Variants in CACNA2D3 observed in about 807,000 individuals in gnomAD.
CACNA2D3 encodes the protein voltage-dependent calcium channel subunit alpha-2/delta-3.
Under a neutral mutation model 160.6 loss-of-function variants are expected in CACNA2D3, and 60 were observed. The ratio of observed to expected loss-of-function variants is 0.37; its 90% CI spans 0.30 to 0.46. The LOEUF (loss-of-function observed/expected upper bound fraction) is 0.46. Among genes scored for constraint, CACNA2D3 ranks in the 20% least tolerant of loss-of-function variants. The pLI is 1.00. For missense variants in CACNA2D3, 1,205 were observed against 1,365.0 expected (o/e 0.88, Z 1.85); for synonymous variants, 558 against 492.9 (o/e 1.13, Z -1.75).
chr3:54,242,008 A>G (rs1448300883), intron 2 of CACNA2D3, among the ~76,000 whole-genome samples: 1 of 152,194 alleles, frequency 6.6e-6, no homozygotes, highest in Non-Finnish European at 1.5e-5. Context: ...TGGATTCCTG[A>G]AAACTGGATA....
At chr3:54,915,633 T>A (rs959715325) in intron 27 of CACNA2D3, among the ~76,000 whole-genome samples, 1 of 152,238 alleles carries the variant, frequency 6.6e-6, no homozygotes, top group Non-Finnish European at 1.5e-5. Context: ...ATTGGGTCTT[T>A]CATCTGCAAT....
chr3:54,759,398 G>A (rs549928790), intron 12 of CACNA2D3, among the ~76,000 whole-genome samples: 1 of 150,982 alleles, frequency 6.6e-6, no homozygotes, highest in East Asian at 2.0e-4. Context: ...AGTGTCTATG[G>A]TTACAGCCAG....
intron 13 of CACNA2D3, among the ~76,000 whole-genome samples, chr3:54,809,094 C>G (rs1224255892): frequency 2.0e-5 from 3 of 151,952 alleles, no homozygotes; most frequent in African/African-American, 7.3e-5. Flanking sequence ...ATATTGTTGT[C>G]CAGGTTCTTA....
At chr3:55,052,592 C>G (rs1704254445) in intron 35 of CACNA2D3, among the ~76,000 whole-genome samples, 1 of 152,022 alleles carries the variant, frequency 6.6e-6, no homozygotes, top group Admixed American at 6.5e-5. Flanking sequence ...GTTGCAGTCT[C>G]CAACTGTAAT....
At chr3:54,657,277 C>T (rs759955036) in intron 11 of CACNA2D3, among the ~76,000 whole-genome samples, 2 of 152,178 alleles carry the variant, frequency 1.3e-5, no homozygotes, top group African/African-American at 2.4e-5. Flanking sequence ...GATGGCTTAG[C>T]TTGGGCTCAG....
intron 27 of CACNA2D3, among the ~76,000 whole-genome samples, chr3:54,949,585 C>T (rs189272542): frequency 6.6e-6 from 1 of 152,292 alleles, no homozygotes; most frequent in East Asian, 1.9e-4. Flanking sequence ...ACCCAAGGGG[C>T]AGCACTGGAA....
chr3:54,352,131 A>G (rs1233238322), intron 3 of CACNA2D3, among the ~76,000 whole-genome samples: 3 of 152,174 alleles, frequency 2.0e-5, no homozygotes, highest in Non-Finnish European at 2.9e-5. Flanking sequence ...GACTTGGCAC[A>G]ATGGAAAGTC....
At chr3:54,840,656 G>A (rs1184631525) in intron 16 of CACNA2D3, among the ~76,000 whole-genome samples, 5 of 150,614 alleles carry the variant, frequency 3.3e-5, no homozygotes, top group Admixed American at 1.3e-4. Flanking sequence ...TGATCCACCC[G>A]CCTCAGCCTC....
intron 35 of CACNA2D3, among the ~76,000 whole-genome samples, chr3:55,035,078 G>C (rs1215586852): frequency 2.0e-5 from 3 of 152,132 alleles, no homozygotes; most frequent in African/African-American, 7.2e-5. Flanking sequence ...TCTCCAGGAA[G>C]ATATAGTGCC....
intron 4 of CACNA2D3, among the ~76,000 whole-genome samples, chr3:54,447,906 G>C (rs1191954315): frequency 2.0e-5 from 3 of 152,118 alleles, no homozygotes; most frequent in African/African-American, 4.8e-5. Flanking sequence ...CTTTGGGAGA[G>C]AGTTCCAGAA....
At chr3:54,823,498 C>G (rs1703686337) in intron 14 of CACNA2D3, among the ~76,000 whole-genome samples, 1 of 152,016 alleles carries the variant, frequency 6.6e-6, no homozygotes, top group Non-Finnish European at 1.5e-5. Context: ...ACTCAACAAC[C>G]CTCTTTTGCA....
At chr3:55,003,269 C>T (rs1007820965) in intron 31 of CACNA2D3, among the ~76,000 whole-genome samples, 27 of 152,250 alleles carry the variant, frequency 1.8e-4, no homozygotes, top group Non-Finnish European at 8.8e-5. Context: ...ACATGTCTCT[C>T]CTTTGGGCTG....
At position 54,738,567 on chromosome 3, in the gene CACNA2D3, A is replaced by G. The variant is rs142278897; in HGVS notation, c.1168-14032A>G. ...AGGGTAAGGAAACAAGATAGAGGCC[A>G]GCTCTCAAGACTGTTTATTCTCTTT... On this transcript the variant is annotated intron_variant, in intron 11 of 37. Transcript: ENST00000474759. Among the ~76,000 whole-genome samples, 85 of 152,368 alleles carry G rather than the reference A, an allele frequency of 5.6e-4. No individual in the cohort carries two copies. The East Asian group carries it at 0.014, about 25-fold the overall frequency.
chr3:54,574,197 A>C (rs888627473), intron 8 of CACNA2D3, among the ~76,000 whole-genome samples: 3 of 152,230 alleles, frequency 2.0e-5, no homozygotes, highest in Middle Eastern at 3.4e-3. Context: ...AAAAGTAAAG[A>C]ATACAATATT....
At chr3:54,729,998 CAAAAAAAA>C (rs56364535) in intron 11 of CACNA2D3, among the ~76,000 whole-genome samples, 4 of 109,510 alleles carry the variant, frequency 3.7e-5, no homozygotes, top group African/African-American at 1.1e-4. Flanking sequence ...GACTCCATCT[CAAAAAAAA>C]AAAAAAAAAA....
At position 55,009,400 on chromosome 3, in the gene CACNA2D3, A is replaced by G. The variant is rs1703162788; in HGVS notation, c.2832A>G (p.Glu944=). Residue 944 remains glutamate, a synonymous_variant, in exon 34 of 38, where the codon GAA becomes GAG. Transcript: ENST00000474759. ...IMTELVLFLV[E]FNLCSWWHSD... ...ACGATCTGTTTAGGTTCCTGGTGGA[A>G]TTTAACCTCTGCAGTTGGTGGCACT... 20 of 1,613,868 alleles carry G rather than the reference A, an allele frequency of 1.2e-5. No homozygotes were observed. The highest frequency in any genetic ancestry group is 1.7e-5 in the Non-Finnish European group (20 of 1,179,780).
intron 4 of CACNA2D3, among the ~76,000 whole-genome samples, chr3:54,450,905 G>A (rs1433127763): frequency 3.9e-5 from 6 of 152,118 alleles, no homozygotes; most frequent in Non-Finnish European, 8.8e-5. Flanking sequence ...TCCATTTGTG[G>A]ATCTGAGAAA....
chr3:54,551,559 T>C (rs932917011), intron 5 of CACNA2D3, among the ~76,000 whole-genome samples: 9 of 152,062 alleles, frequency 5.9e-5, no homozygotes, highest in African/African-American at 1.9e-4. Flanking sequence ...TTTGGGTGTA[T>C]GTTGGGAGCT....
chr3:54,840,920 C>T lies in CACNA2D3; in HGVS notation c.1551+2272C>T, dbSNP rs1698806878. Among the ~76,000 whole-genome samples the T allele has an allele frequency of 3.3e-5, 5 of 151,428 alleles. No individual in the cohort carries two copies. The South Asian group carries it at 1.0e-3, about 32-fold the overall frequency. Reference sequence around the variant, plus strand: ...TATATTTTTAGTAGAGATGGGGTTTCACCATGTTAGCCAGGATGGTCTCGA... The same window carrying T: ...TATATTTTTAGTAGAGATGGGGTTTTACCATGTTAGCCAGGATGGTCTCGA... On this transcript the variant is annotated intron_variant, in intron 16 of 37. Coordinates refer to ENST00000474759, the MANE Select transcript of CACNA2D3 (RefSeq NM_018398.3).
Sources: allele counts gnomAD v4.1 joint callset (sites outside exome capture counted in the v4.1 genomes callset), GRCh38; gene constraint gnomAD v4.1.1; transcripts MANE v1.5; gene names NCBI Gene and HGNC (gene_info 2026-07-23, HGNC 2026-07-21).